Variants in SEMA3C observed in about 807,000 individuals in gnomAD.
The protein encoded by SEMA3C is semaphorin-3C.
Under a neutral mutation model 89.4 loss-of-function variants are expected in SEMA3C, and 47 were observed. The observed-to-expected ratio is 0.53, with a 90% CI of 0.42 to 0.67. SEMA3C has a LOEUF of 0.67. Among genes scored for constraint, SEMA3C ranks in the 30% least tolerant of loss-of-function variants. The pLI is 0.00. For missense variants in SEMA3C, 839 were observed against 929.1 expected (o/e 0.90, Z 1.26); for synonymous variants, 310 against 320.2 (o/e 0.97, Z 0.34).
At chr7:80,921,445 G>A (rs527701180), upstream of SEMA3C, among the ~76,000 whole-genome samples, 1 of 152,150 alleles carries the variant, frequency 6.6e-6, no homozygotes, top group Non-Finnish European at 1.5e-5. Context: ...AAGCCCCTAA[G>A]ATTAATCTCT....
At chr7:80,750,256 A>G (rs1032306242) in intron 16 of SEMA3C, among the ~76,000 whole-genome samples, 5 of 151,672 alleles carry the variant, frequency 3.3e-5, no homozygotes, top group African/African-American at 1.2e-4. Flanking sequence ...ACTTCATGTC[A>G]GAATGGGAAG....
intron 11 of SEMA3C, among the ~76,000 whole-genome samples, chr7:80,796,941 T>C (rs1220218433): frequency 6.6e-6 from 1 of 151,652 alleles, no homozygotes; most frequent in Non-Finnish European, 1.5e-5. Context: ...AAGAAGAAAA[T>C]AAAGGAGCAA....
At chr7:80,818,454 A>G in intron 4 of SEMA3C, 36 bp from the exon 5 acceptor site, 2 of 1,597,014 alleles carry the variant, frequency 1.3e-6, no homozygotes, top group Non-Finnish European at 1.7e-6. Flanking sequence ...TAGTAACTCA[A>G]TGACTTTCAT....
intron 2 of SEMA3C, among the ~76,000 whole-genome samples, chr7:80,851,006 T>C (rs773084558): frequency 7.6e-4 from 115 of 152,232 alleles, no homozygotes; most frequent in Non-Finnish European, 1.6e-3. Context: ...CCAGCTTCTA[T>C]TCATTTCTTG....
chr7:80,818,740 G>A (rs1224809650), intron 4 of SEMA3C, among the ~76,000 whole-genome samples: 1 of 152,202 alleles, frequency 6.6e-6, no homozygotes, highest in Non-Finnish European at 1.5e-5. Flanking sequence ...AAGCTGTCCT[G>A]GGTTGCATGA....
intron 12 of SEMA3C, among the ~76,000 whole-genome samples, chr7:80,777,027 A>G (rs990339984): frequency 6.6e-5 from 10 of 152,286 alleles, no homozygotes; most frequent in African/African-American, 2.4e-4. Flanking sequence ...ACATGTGTGT[A>G]TGTCTCTATT....
intron 4 of SEMA3C, among the ~76,000 whole-genome samples, chr7:80,827,191 C>A (rs904042238): frequency 6.6e-6 from 1 of 151,958 alleles, no homozygotes; most frequent in African/African-American, 2.4e-5. Context: ...TGAAATGTAT[C>A]TGAATGAAAT....
chr7:80,914,017 A>G (rs991749987), intron 2 of SEMA3C, among the ~76,000 whole-genome samples: 1 of 152,220 alleles, frequency 6.6e-6, no homozygotes, highest in African/African-American at 2.4e-5. Context: ...GATGGAGAAG[A>G]ATTCAAGACA....
intron 2 of SEMA3C, among the ~76,000 whole-genome samples, chr7:80,864,544 G>C (rs1790881113): frequency 6.6e-6 from 1 of 151,662 alleles, no homozygotes; most frequent in Non-Finnish European, 1.5e-5. Flanking sequence ...AATATATTAA[G>C]AAAAATAGGA....
At chr7:80,918,105 T>A (rs1792321117) in intron 1 of SEMA3C, among the ~76,000 whole-genome samples, 1 of 152,168 alleles carries the variant, frequency 6.6e-6, no homozygotes, top group Non-Finnish European at 1.5e-5. Context: ...CACAACCTCT[T>A]CACCCTGTCA....
At chr7:80,793,571 A>C (rs538112790) in intron 11 of SEMA3C, 1 of 409,368 alleles carries the variant, frequency 2.4e-6, no homozygotes, top group East Asian at 7.2e-5. Context: ...CAAATGTAAG[A>C]TAAACAATCA....
At chr7:80,749,313 T>G in intron 16 of SEMA3C, among the ~76,000 whole-genome samples, 1 of 152,194 alleles carries the variant, frequency 6.6e-6, no homozygotes, top group East Asian at 1.9e-4. Context: ...TTCTTAATAT[T>G]ACTTTGTTGA....
chr7:80,902,623 T>C (rs561491040), intron 2 of SEMA3C, among the ~76,000 whole-genome samples: 3 of 152,304 alleles, frequency 2.0e-5, no homozygotes, highest in African/African-American at 7.2e-5. Flanking sequence ...CTAACTAACA[T>C]CAATGATTCA....
intron 9 of SEMA3C, 62 bp from the exon 10 acceptor site, chr7:80,800,888 T>G (rs1369254468): frequency 9.3e-7 from 1 of 1,070,796 alleles, no homozygotes; most frequent in Non-Finnish European, 1.3e-6. Flanking sequence ...TTTGAAAAAT[T>G]TACCCTAAGA....
At chr7:80,892,660 T>C (rs373474444) in intron 2 of SEMA3C, among the ~76,000 whole-genome samples, 2 of 152,160 alleles carry the variant, frequency 1.3e-5, no homozygotes, top group African/African-American at 2.4e-5. Flanking sequence ...TTCACAAAAA[T>C]AGATTCCTTA....
At chr7:80,776,145 G>A (rs947074979) in intron 12 of SEMA3C, among the ~76,000 whole-genome samples, 4 of 151,880 alleles carry the variant, frequency 2.6e-5, no homozygotes, top group Non-Finnish European at 5.9e-5. Context: ...GCTGAACACC[G>A]TATATGTACA....
At chr7:80,857,254 C>G (rs1434217567) in intron 2 of SEMA3C, among the ~76,000 whole-genome samples, 2 of 152,118 alleles carry the variant, frequency 1.3e-5, no homozygotes, top group African/African-American at 2.4e-5. Flanking sequence ...TAAACACTCT[C>G]ATGCAGGTTT....
intron 12 of SEMA3C, among the ~76,000 whole-genome samples, chr7:80,779,835 G>C (rs555014581): frequency 6.6e-6 from 1 of 152,286 alleles, no homozygotes; most frequent in East Asian, 1.9e-4. Context: ...ATTGAAGTGA[G>C]AGACTCTACT....
At chr7:80,918,790 C>T (rs1792339127) in intron 1 of SEMA3C, 38 bp downstream of exon 1, 17 of 984,424 alleles carry the variant, frequency 1.7e-5, no homozygotes, top group Non-Finnish European at 2.1e-5. Context: ...TTATACTTTG[C>T]TAAATCTGTA....
Sources: gnomAD v4.1 joint callset for allele counts (sites outside exome capture counted in the v4.1 genomes callset) on GRCh38, gnomAD v4.1.1 for gene constraint, MANE v1.5 for transcripts, NCBI Gene and HGNC (gene_info 2026-07-23, HGNC 2026-07-21) for gene names.